Variants in POM121 observed in about 807,000 individuals in gnomAD.
The protein encoded by POM121 is nuclear envelope pore membrane protein POM 121.
A neutral mutation model predicts 81.3 loss-of-function variants in POM121; 32 were observed. That is an observed-to-expected ratio of 0.39 (90% confidence interval 0.30 to 0.53). POM121 has a LOEUF of 0.53. Among genes scored for constraint, POM121 ranks in the 20% least tolerant of loss-of-function variants. The pLI, the probability that POM121 is intolerant of heterozygous loss-of-function variation, is 0.66. For synonymous variants in POM121, 514 were observed against 694.2 expected (o/e 0.74, Z 4.08); for missense variants, 1,138 against 1,614.6 (o/e 0.70, Z 5.06).
intron 1 of POM121, among the ~76,000 whole-genome samples, chr7:72,881,066 CTTTTTTT>C: frequency 2.1e-5 from 1 of 47,228 alleles, no homozygotes; most frequent in South Asian, 1.0e-3. Context: ...CCCTATCACT[CTTTTTTT>C]TTTTTTTTTT....
chr7:72,905,105 C>CA (rs1307880206), intron 3 of POM121, among the ~76,000 whole-genome samples: 1 of 152,208 alleles, frequency 6.6e-6, no homozygotes, highest in Non-Finnish European at 1.5e-5. Flanking sequence ...CTACAGTTCT[C>CA]ATGAAGTTGA....
downstream of POM121, chr7:72,948,493 A>T: frequency 6.2e-7 from 1 of 1,613,460 alleles, no homozygotes. Context: ...TGCTATGTGC[A>T]AGGCGGTGTG....
intron 1 of POM121, among the ~76,000 whole-genome samples, chr7:72,889,589 C>T (rs183611039): frequency 1.3e-5 from 2 of 152,256 alleles, no homozygotes; most frequent in African/African-American, 4.8e-5. Flanking sequence ...TCACTGTAGC[C>T]TTGACCTCCC....
chr7:72,911,051 A>G (rs1247357097), intron 3 of POM121, among the ~76,000 whole-genome samples: 1 of 152,232 alleles, frequency 6.6e-6, no homozygotes, highest in Non-Finnish European at 1.5e-5. Flanking sequence ...CAATAGCGCA[A>G]TCTTAGCTCA....
Position 72,945,292 on chromosome 7 carries a change from A to G in POM121, c.3530-294A>G, listed in dbSNP as rs539366531. On this transcript the variant is annotated intron_variant, in intron 11 of 12. Transcript: ENST00000434423. ...AGGTACGCTAGGAGGCGGGGGCCCCAGAGTACTCCCCTCTGCAGCGATGGT... is the reference window on the plus strand; with the variant it reads ...AGGTACGCTAGGAGGCGGGGGCCCCGGAGTACTCCCCTCTGCAGCGATGGT... 3.9e-5 allele frequency among the ~76,000 whole-genome samples: 6 copies of G among 152,182 alleles called. No individual in the cohort carries two copies. In the East Asian group the frequency reaches 7.7e-4, roughly 20 times the overall value.
chr7:72,927,561 TTAGC>T (rs1482416586), intron 3 of POM121, among the ~76,000 whole-genome samples: 2 of 151,936 alleles, frequency 1.3e-5, no homozygotes, highest in Non-Finnish European at 1.5e-5. Context: ...AATTCAAAAA[TTAGC>T]TGGATGTGGT....
chr7:72,929,907 A>T (rs372683521), intron 4 of POM121, 33 bp from the exon 5 acceptor site: 7 of 1,530,232 alleles, frequency 4.6e-6, no homozygotes, highest in Non-Finnish European at 5.3e-6. Context: ...TTTTGCCTTC[A>T]ATAAAGCATC....
chr7:72,932,815 G>C (rs1230555524), intron 5 of POM121, among the ~76,000 whole-genome samples: 7 of 151,674 alleles, frequency 4.6e-5, no homozygotes, highest in Admixed American at 4.6e-4. Context: ...ACTTTGAGAG[G>C]CCGAGGAAGG....
intron 10 of POM121, among the ~76,000 whole-genome samples, chr7:72,941,358 C>T (rs1797045620): frequency 6.6e-6 from 1 of 151,182 alleles, no homozygotes; most frequent in Non-Finnish European, 1.5e-5. Flanking sequence ...TGCTTCCTTT[C>T]CCTCCAGCAC....
chr7:72,931,047 G>A, intron 5 of POM121, among the ~76,000 whole-genome samples: 1 of 152,142 alleles, frequency 6.6e-6, no homozygotes, highest in East Asian at 1.9e-4. Flanking sequence ...ATGTTTTTGA[G>A]AGGAGGAAGA....
chr7:72,899,100 A>G (rs1166793071), intron 3 of POM121, among the ~76,000 whole-genome samples: 1 of 147,190 alleles, frequency 6.8e-6, no homozygotes, highest in Non-Finnish European at 1.5e-5. Flanking sequence ...CTCTGGCCTC[A>G]GCCCCTGAGT....
intron 1 of POM121, among the ~76,000 whole-genome samples, chr7:72,880,350 A>G (rs1375394770): frequency 7.9e-5 from 12 of 152,102 alleles, no homozygotes; most frequent in African/African-American, 2.7e-4. Flanking sequence ...GGGTGACTTG[A>G]CCAGGTCACC....
intron 11 of POM121, 64 bp from the exon 12 acceptor site, chr7:72,945,522 G>C (rs1323946828): frequency 1.9e-6 from 3 of 1,598,808 alleles, no homozygotes; most frequent in African/African-American, 1.3e-5. Context: ...ACAGGCTCCT[G>C]CCCGGCTCCT....
chr7:72,917,901 A>T (rs1461246201), intron 4 of POM121, among the ~76,000 whole-genome samples: 1 of 152,190 alleles, frequency 6.6e-6, no homozygotes, highest in African/African-American at 2.4e-5. Flanking sequence ...AGTCATCTCC[A>T]ATGATAGGTA....
downstream of POM121, chr7:72,948,638 C>T (rs368827800): frequency 2.7e-4 from 431 of 1,602,522 alleles, no homozygotes; most frequent in Non-Finnish European, 3.5e-4. Context: ...TACCATCCTG[C>T]GCCTCCCAAG....
intron 6 of POM121, among the ~76,000 whole-genome samples, chr7:72,938,951 A>G (rs139793299): frequency 0.014 from 2,207 of 152,332 alleles, 42 homozygotes; most frequent in African/African-American, 0.049. Context: ...AGTGGAGAGC[A>G]GAGAGAGTCA....
intron 5 of POM121, among the ~76,000 whole-genome samples, chr7:72,938,339 C>T (rs1217116624): frequency 6.6e-6 from 1 of 151,524 alleles, no homozygotes; most frequent in African/African-American, 2.4e-5. Flanking sequence ...CAGATGCAAA[C>T]CACCACACCC....
At chr7:72,914,964 A>T (rs1794158532) in intron 4 of POM121, among the ~76,000 whole-genome samples, 1 of 151,956 alleles carries the variant, frequency 6.6e-6, no homozygotes, top group African/African-American at 2.4e-5. Flanking sequence ...TTTCTGCCAC[A>T]TTTTTTACTT....
At chr7:72,921,050 C>T (rs191370606), upstream of POM121, among the ~76,000 whole-genome samples, 19 of 152,172 alleles carry the variant, frequency 1.2e-4, no homozygotes, top group African/African-American at 4.6e-4. Context: ...AGTGTGGTGG[C>T]GGGTGCCTGT....
Sources: gnomAD v4.1 joint callset for allele counts (sites outside exome capture counted in the v4.1 genomes callset) on GRCh38, gnomAD v4.1.1 for gene constraint, MANE v1.5 for transcripts, NCBI Gene and HGNC (gene_info 2026-07-23, HGNC 2026-07-21) for gene names.